The following IL1RAPL2 variants were observed in gnomAD, a reference collection of about 807,000 sequenced individuals.
IL1RAPL2 encodes the protein X-linked interleukin-1 receptor accessory protein-like 2.
In IL1RAPL2, 3 loss-of-function variants were observed where a neutral mutation model predicts 44.1. The observed-to-expected ratio is 0.07, with a 90% CI of 0.03 to 0.18. IL1RAPL2 has a LOEUF of 0.18. IL1RAPL2 is among the 10% of genes least tolerant of loss of function. IL1RAPL2 has a pLI of 1.00. For missense variants in IL1RAPL2, 391 were observed against 496.4 expected, an observed-to-expected ratio of 0.79 and a Z score of 2.02; for synonymous variants, 181 against 178.8, an observed-to-expected ratio of 1.01 and a Z score of -0.10.
rs950607548 is a variant in IL1RAPL2 at position 105,006,887 on chromosome X, G to T, written c.83-188588G>T. The stretch of plus-strand genomic sequence containing the variant: ...GCTTGAGATGAGTGGGTTAGAATTA[G>T]GACCTACAATTATTAAATTTCAATC... On this transcript the variant is annotated intron_variant, in intron 2 of 10. Coordinates refer to ENST00000372582, the MANE Select transcript of IL1RAPL2 (RefSeq NM_017416.2). Among the ~76,000 whole-genome samples the T allele has an allele frequency of 4.5e-5, 5 of 111,270 alleles. No homozygotes were observed. The South Asian group carries it at 1.5e-3, about 33-fold the overall frequency.
intron 6 of IL1RAPL2, among the ~76,000 whole-genome samples, chrX:105,630,795 A>T (rs2037486871): frequency 9.0e-6 from 1 of 111,017 alleles, no homozygotes; most frequent in Admixed American, 9.6e-5. Context: ...ATCAAGTATG[A>T]CCCATTTTAT....
intron 9 of IL1RAPL2, among the ~76,000 whole-genome samples, chrX:105,750,441 TTTATTATTATTATTATTA>T (rs199583433): frequency 4.4e-5 from 4 of 91,597 alleles, no homozygotes; most frequent in South Asian, 1.1e-3. Context: ...GCCTGGCCAA[TTTATTATTATTATTATTA>T]TTATTATTAT....
chrX:104,602,413 C>T (rs1272679194), intron 1 of IL1RAPL2, among the ~76,000 whole-genome samples: 1 of 111,569 alleles, frequency 9.0e-6, no homozygotes, highest in African/African-American at 3.3e-5. Context: ...TGGGCAGACA[C>T]CAAAGTAGCT....
At chrX:105,644,941 G>GT (rs1402052559) in intron 6 of IL1RAPL2, among the ~76,000 whole-genome samples, 3 of 111,355 alleles carry the variant, frequency 2.7e-5, no homozygotes, top group Non-Finnish European at 5.7e-5. Context: ...TGAACTCACT[G>GT]TTTTTTTATG....
At chrX:105,528,354 A>C (rs770125906) in intron 6 of IL1RAPL2, among the ~76,000 whole-genome samples, 13 of 111,741 alleles carry the variant, frequency 1.2e-4, no homozygotes, top group Non-Finnish European at 1.9e-4. Flanking sequence ...TAGAACTTGG[A>C]CTAGAATTTA....
intron 2 of IL1RAPL2, among the ~76,000 whole-genome samples, chrX:104,956,937 T>G (rs775790570): frequency 8.9e-6 from 1 of 112,321 alleles, no homozygotes; most frequent in East Asian, 2.8e-4. Flanking sequence ...TTGCTGGCTT[T>G]AGGTATCCTA....
intron 5 of IL1RAPL2, among the ~76,000 whole-genome samples, chrX:105,353,145 C>T (rs1198646988): frequency 9.0e-6 from 1 of 111,664 alleles, no homozygotes. Context: ...CAGCTTTCTA[C>T]ATGTGGCTAG....
chrX:104,617,912 T>G (rs761740814), intron 1 of IL1RAPL2, among the ~76,000 whole-genome samples: 23 of 111,886 alleles, frequency 2.1e-4, no homozygotes, highest in Admixed American at 3.8e-4. Context: ...TGTCACTACA[T>G]TCAGATTTTT....
At chrX:105,029,142 C>G (rs190423232) in intron 2 of IL1RAPL2, among the ~76,000 whole-genome samples, 69 of 107,906 alleles carry the variant, frequency 6.4e-4, no homozygotes, top group African/African-American at 2.3e-3. Flanking sequence ...TTTCTCATAT[C>G]TCAATTTTCA....
intron 2 of IL1RAPL2, among the ~76,000 whole-genome samples, chrX:104,908,975 G>A (rs1404665675): frequency 9.1e-6 from 1 of 110,423 alleles, no homozygotes; most frequent in African/African-American, 3.3e-5. Context: ...TCACTTTCAG[G>A]TACACCAATC....
chrX:105,068,377 G>A (rs981673549), intron 2 of IL1RAPL2, among the ~76,000 whole-genome samples: 3 of 111,753 alleles, frequency 2.7e-5, no homozygotes, highest in African/African-American at 9.8e-5. Context: ...TCTCAGCCTT[G>A]AGACTAATGT....
intron 3 of IL1RAPL2, among the ~76,000 whole-genome samples, chrX:105,212,684 A>G (rs1038246662): frequency 8.9e-6 from 1 of 112,048 alleles, no homozygotes; most frequent in African/African-American, 3.2e-5. Context: ...TCTGACTGGG[A>G]GAAACCTCCT....
At chrX:104,844,365 G>T (rs1384252854) in intron 2 of IL1RAPL2, among the ~76,000 whole-genome samples, 2 of 111,313 alleles carry the variant, frequency 1.8e-5, no homozygotes, top group Admixed American at 1.9e-4. Context: ...AATAGGTGCT[G>T]CATGGAAAAA....
At chrX:104,829,764 G>A (rs1466799124) in intron 2 of IL1RAPL2, among the ~76,000 whole-genome samples, 1 of 112,214 alleles carries the variant, frequency 8.9e-6, no homozygotes, top group Non-Finnish European at 1.9e-5. Context: ...AGCTCTATAT[G>A]ATTAAAAGTA....
intron 2 of IL1RAPL2, among the ~76,000 whole-genome samples, chrX:104,781,292 G>T (rs1932772205): frequency 9.0e-6 from 1 of 110,862 alleles, no homozygotes; most frequent in Admixed American, 9.7e-5. Flanking sequence ...GGGGTTCACG[G>T]TACTTAAGAA....
chrX:105,058,114 A>ATT (rs752240935), intron 2 of IL1RAPL2, among the ~76,000 whole-genome samples: 2 of 104,363 alleles, frequency 1.9e-5, no homozygotes, highest in Non-Finnish European at 3.9e-5. Context: ...ACGCCCGGCT[A>ATT]TTTTTTTTTT....
In IL1RAPL2 at chrX:105,517,825, C is replaced by A. The variant is rs139795603; in HGVS notation, c.772+33438C>A. Among the ~76,000 whole-genome samples, 715 of 110,739 alleles carry A rather than the reference C, an allele frequency of 6.5e-3. 11 individuals carry two copies. The highest frequency in any genetic ancestry group is 0.022 in the African/African-American group (679 of 30,493). ...ACACTAAAATTAAATTGCTAAAAGG[C>A]AAGATAGAGAGATATAACAGAAGAA... is the stretch of plus-strand genomic sequence containing the variant. On this transcript the variant is annotated intron_variant, in intron 6 of 10. Coordinates refer to ENST00000372582, the MANE Select transcript of IL1RAPL2 (RefSeq NM_017416.2).
chrX:105,603,188 A>T lies in IL1RAPL2; in HGVS notation c.773-114179A>T, dbSNP rs199558003. ...TCATCACTTATTAATAATAACACTG[A>T]ATGTAAATATATTAAATCCCCAATT... On this transcript the variant is annotated intron_variant, in intron 6 of 10. Coordinates refer to ENST00000372582, the MANE Select transcript of IL1RAPL2 (RefSeq NM_017416.2). Among the ~76,000 whole-genome samples, 5 of 109,920 alleles carry T rather than the reference A, an allele frequency of 4.5e-5. No homozygotes were observed. The East Asian group carries it at 1.4e-3, about 31-fold the overall frequency.
chrX:105,639,929 T>G (rs959714774), intron 6 of IL1RAPL2, among the ~76,000 whole-genome samples: 4 of 111,578 alleles, frequency 3.6e-5, no homozygotes, highest in Non-Finnish European at 7.5e-5. Context: ...GTGAGGTCAT[T>G]GGTTTCTCAT....
Sources: allele counts gnomAD v4.1 joint callset (sites outside exome capture counted in the v4.1 genomes callset), GRCh38; gene constraint gnomAD v4.1.1; transcripts MANE v1.5; gene names NCBI Gene and HGNC (gene_info 2026-07-23, HGNC 2026-07-21).